RASA2: variants seen among roughly 807,000 people sequenced by gnomAD.
RASA2 encodes the protein ras GTPase-activating protein 2.
RASA2 carries 155 observed loss-of-function variants against 118.2 expected under a neutral mutation model. The ratio of observed to expected loss-of-function variants is 1.31; its 90% confidence interval spans 1.15 to 1.50. RASA2 has a LOEUF of 1.50. Ranked by LOEUF, RASA2 falls within the 40% of genes most tolerant of loss-of-function variation. RASA2 has a pLI of 0.00. For missense variants in RASA2, 1,016 were observed against 1,009.6 expected (o/e 1.01, Z -0.09); for synonymous variants, 353 against 349.1 (o/e 1.01, Z -0.12).
chr3:141,509,197 T>C (rs1457621802), intron 1 of RASA2, among the ~76,000 whole-genome samples: 2 of 152,236 alleles, frequency 1.3e-5, no homozygotes, highest in African/African-American at 4.8e-5. Context: ...ACTTCAGTCA[T>C]TGGTGGATAT....
intron 3 of RASA2, among the ~76,000 whole-genome samples, chr3:141,525,568 G>T (rs1359686676): frequency 6.6e-6 from 1 of 152,118 alleles, no homozygotes; most frequent in African/African-American, 2.4e-5. Flanking sequence ...CACTTTGGGA[G>T]GCCAAGGCAG....
chr3:141,597,728 A>G (rs1171651043), intron 19 of RASA2, among the ~76,000 whole-genome samples: 2 of 152,206 alleles, frequency 1.3e-5, no homozygotes, highest in Non-Finnish European at 2.9e-5. Flanking sequence ...AAGAATGGCA[A>G]AAATAAAGAT....
Position 141,543,738 on chromosome 3 carries a change from C to T in RASA2, c.527+3129C>T, listed in dbSNP as rs1460625506. Among the ~76,000 whole-genome samples, 4 of 151,850 alleles carry T rather than the reference C, an allele frequency of 2.6e-5. No homozygotes were observed. The South Asian group carries it at 8.3e-4, about 32-fold the overall frequency. On this transcript the variant is annotated intron_variant, in intron 5 of 23. Coordinates refer to ENST00000286364, the MANE Select transcript of RASA2 (RefSeq NM_006506.5). Reference sequence around the variant, plus strand: ...AAAATGTACCACTTCCTTGTGTCCTCGATGGTTTCTGATGTGAAGTTCATT... The same window carrying T: ...AAAATGTACCACTTCCTTGTGTCCTTGATGGTTTCTGATGTGAAGTTCATT...
chr3:141,550,294 A>G lies in RASA2; in HGVS notation c.528-3563A>G, dbSNP rs76800022. On this transcript the variant is annotated intron_variant, in intron 5 of 23. Coordinates refer to ENST00000286364, the MANE Select transcript of RASA2 (RefSeq NM_006506.5). ...TGCATTGAGAAGGACACCAAGATAC[A>G]TAACCTCAACCTAATCATGAGTAAA... is the stretch of plus-strand genomic sequence containing the variant. 2.5e-4 allele frequency among the ~76,000 whole-genome samples: 38 copies of G among 152,368 alleles called. 1 individual carries two copies. The highest frequency in any genetic ancestry group is 5.3e-4 in the Non-Finnish European group (36 of 68,034).
At chr3:141,521,849 C>T (rs2082115634) in intron 3 of RASA2, among the ~76,000 whole-genome samples, 1 of 150,736 alleles carries the variant, frequency 6.6e-6, no homozygotes, top group African/African-American at 2.4e-5. Context: ...ACATTTTTAA[C>T]ATTTTTCTAG....
chr3:141,574,266 T>A (rs1156344788), intron 14 of RASA2, among the ~76,000 whole-genome samples, 199 bp downstream of exon 14: 2 of 152,128 alleles, frequency 1.3e-5, no homozygotes, highest in African/African-American at 2.4e-5. Flanking sequence ...CTTGGCTCAC[T>A]GCAACCTCCA....
chr3:141,586,709 G>A lies in RASA2; in HGVS notation c.1890G>A (p.Trp630Ter), dbSNP rs548668768. 6.2e-7 allele frequency: 1 copy of A among 1,613,718 alleles called. No homozygotes were observed. The highest frequency in any genetic ancestry group is 1.3e-5 in the African/African-American group (1 of 75,026). The part of the protein sequence containing the change: ...RIGKKNFKKR[W>*]FCLTSRELTY... Reference sequence around the variant, plus strand: ...GAAAAAAGAATTTTAAGAAACGATGGTTCTGCTTAACAAGCAGAGAGCTCA... The same window carrying A: ...GAAAAAAGAATTTTAAGAAACGATGATTCTGCTTAACAAGCAGAGAGCTCA... Residue 630 changes from tryptophan to a stop codon, truncating the protein, a stop_gained, in exon 19 of 24, where the codon TGG becomes TGA. Transcript: ENST00000286364. LOFTEE classifies it high-confidence loss of function.
intron 6 of RASA2, 139 bp from the exon 7 acceptor site, chr3:141,555,701 C>G: frequency 1.6e-6 from 1 of 640,050 alleles, no homozygotes; most frequent in African/African-American, 1.8e-5. Flanking sequence ...TACTTTTTTC[C>G]AAGCAATATT....
intron 4 of RASA2, among the ~76,000 whole-genome samples, chr3:141,538,414 A>T (rs1301716493): frequency 1.3e-5 from 2 of 152,124 alleles, no homozygotes; most frequent in South Asian, 2.1e-4. Flanking sequence ...AAGCAAAGAA[A>T]ATCTTCTGAA....
intron 5 of RASA2, among the ~76,000 whole-genome samples, chr3:141,549,795 T>A (rs1042190755): frequency 6.6e-6 from 1 of 152,106 alleles, no homozygotes; most frequent in Non-Finnish European, 1.5e-5. Context: ...AGGGAAAATA[T>A]GAGATGAGTC....
At chr3:141,498,283 T>A (rs2081732001) in intron 1 of RASA2, among the ~76,000 whole-genome samples, 1 of 152,150 alleles carries the variant, frequency 6.6e-6, no homozygotes, top group African/African-American at 2.4e-5. Flanking sequence ...TCAGAAAGTC[T>A]TTATGTTACC....
intron 7 of RASA2, among the ~76,000 whole-genome samples, chr3:141,557,621 G>T (rs2082669400): frequency 6.6e-6 from 1 of 152,128 alleles, no homozygotes; most frequent in African/African-American, 2.4e-5. Flanking sequence ...GTAAAACAGT[G>T]TTTGGGAAGG....
intron 16 of RASA2, among the ~76,000 whole-genome samples, chr3:141,580,878 CAA>C (rs751609987): frequency 1.4e-4 from 21 of 148,886 alleles, no homozygotes; most frequent in Non-Finnish European, 2.7e-4. Flanking sequence ...CTAAACAAGA[CAA>C]GAGAGCCTAG....
chr3:141,564,163 A>C (rs2082781613), intron 9 of RASA2, among the ~76,000 whole-genome samples: 2 of 152,200 alleles, frequency 1.3e-5, no homozygotes, highest in African/African-American at 4.8e-5. Flanking sequence ...ATTCCTCTAC[A>C]TAGAACAATG....
Position 141,581,098 on chromosome 3 carries a change from A to C in RASA2, c.1675-2A>C. 1 of 1,526,528 alleles carries C rather than the reference A, an allele frequency of 6.6e-7. No homozygotes were observed. Among genetic ancestry groups the C allele is most frequent in the Non-Finnish European group, 8.7e-7 (1 of 1,145,190 alleles). 94.6% of individuals were successfully genotyped at this position (1,526,528 alleles called of 1,614,324 possible). On this transcript the variant is annotated splice_acceptor_variant, in intron 16 of 23. Coordinates refer to ENST00000286364, the MANE Select transcript of RASA2 (RefSeq NM_006506.5). LOFTEE classifies it high-confidence loss of function. ...ATAAACCCTGTGTTTGTTTTTTCTTAGTCAAGTTTCAAAGAGACATTCATG... is the reference window on the plus strand; with the variant it reads ...ATAAACCCTGTGTTTGTTTTTTCTTCGTCAAGTTTCAAAGAGACATTCATG...
intron 3 of RASA2, among the ~76,000 whole-genome samples, chr3:141,519,281 T>C (rs1430543687): frequency 6.6e-6 from 1 of 152,190 alleles, no homozygotes; most frequent in East Asian, 1.9e-4. Flanking sequence ...CATATTATCA[T>C]TGAAAAAAAT....
intron 9 of RASA2, among the ~76,000 whole-genome samples, chr3:141,567,165 C>T (rs576125645): frequency 8.3e-4 from 127 of 152,204 alleles, no homozygotes; most frequent in African/African-American, 2.9e-3. Context: ...CCTGTAATCC[C>T]AGCACTTTGG....
intron 5 of RASA2, among the ~76,000 whole-genome samples, chr3:141,544,026 C>T (rs1383392012): frequency 6.6e-6 from 1 of 151,978 alleles, no homozygotes; most frequent in Non-Finnish European, 1.5e-5. Flanking sequence ...CAGGCATGCA[C>T]CACCATGCCC....
At chr3:141,492,290 C>T (rs2081648908) in intron 1 of RASA2, among the ~76,000 whole-genome samples, 1 of 152,126 alleles carries the variant, frequency 6.6e-6, no homozygotes, top group Admixed American at 6.5e-5. Context: ...AATTATTTGA[C>T]AATAATATCA....
Sources: allele counts gnomAD v4.1 joint callset (sites outside exome capture counted in the v4.1 genomes callset), GRCh38; gene constraint gnomAD v4.1.1; transcripts MANE v1.5; gene names NCBI Gene and HGNC (gene_info 2026-07-23, HGNC 2026-07-21).